WBP2NL: variants seen among roughly 807,000 people sequenced by gnomAD.
WBP2NL encodes postacrosomal sheath WW domain-binding protein.
In WBP2NL, 27 loss-of-function variants were observed where a neutral mutation model predicts 23.3. The observed-to-expected ratio is 1.16, with a 90% CI of 0.85 to 1.60. The LOEUF (loss-of-function observed/expected upper bound fraction) is 1.60. WBP2NL is among the 40% of genes most tolerant of loss of function. The pLI, the probability that WBP2NL is intolerant of heterozygous loss-of-function variation, is 0.00. For missense variants in WBP2NL, 370 were observed against 389.5 expected (o/e 0.95, Z 0.42); for synonymous variants, 151 against 145.9 (o/e 1.03, Z -0.25).
chr22:42,010,527 CCTTTT>C (rs1005549268), intron 1 of WBP2NL, among the ~76,000 whole-genome samples: 2 of 151,960 alleles, frequency 1.3e-5, no homozygotes, highest in Non-Finnish European at 1.5e-5. Context: ...ATATATTGAA[CCTTTT>C]CTTTTCTTTT....
intron 4 of WBP2NL, among the ~76,000 whole-genome samples, chr22:42,021,545 A>T (rs1173929250): frequency 6.6e-6 from 1 of 152,236 alleles, no homozygotes; most frequent in East Asian, 1.9e-4. Flanking sequence ...AAGTGTTCTT[A>T]TAAGAGAGAT....
chr22:42,047,063 A>G (rs1325785225), intron 8 of WBP2NL, among the ~76,000 whole-genome samples: 2 of 152,128 alleles, frequency 1.3e-5, no homozygotes, highest in East Asian at 3.8e-4. Flanking sequence ...AGTGTCATCC[A>G]TTGCTGTCGT....
At chr22:42,015,807 G>A (rs1470690480) in intron 1 of WBP2NL, among the ~76,000 whole-genome samples, 1 of 152,256 alleles carries the variant, frequency 6.6e-6, no homozygotes, top group East Asian at 1.9e-4. Flanking sequence ...ATCTAGCCCT[G>A]GACATGTATG....
intron 1 of WBP2NL, chr22:42,001,880 G>A (rs1007485682): frequency 2.2e-5 from 33 of 1,488,606 alleles, no homozygotes; most frequent in Admixed American, 1.8e-4. Context: ...TGACCCGCTC[G>A]ATGGGTGCTA....
At chr22:42,028,961 C>T (rs1459171128), downstream of WBP2NL, among the ~76,000 whole-genome samples, 1 of 152,192 alleles carries the variant, frequency 6.6e-6, no homozygotes, top group Non-Finnish European at 1.5e-5. Flanking sequence ...CAAAAATGCT[C>T]CCACTTATTT....
rs143280240 is a variant in WBP2NL, at chr22:42,001,896, A to G, written c.62+3016A>G. The G allele has an allele frequency of 1.6e-4, 231 of 1,464,396 alleles. 2 individuals carry two copies. In the African/African-American group the frequency reaches 2.5e-3, roughly 16 times the overall value. The allele number at this position is 1,464,396 out of a possible 1,614,324, so 90.7% of individuals were successfully genotyped here. ...GACCCGCTCGATGGGTGCTACCGCC[A>G]TCTTGGAGATGGCTGCGGCCACTCC... is the stretch of plus-strand genomic sequence containing the variant. On this transcript the variant is annotated intron_variant, in intron 1 of 5. Transcript: ENST00000328823.
At chr22:42,015,243 A>T (rs1159387640) in intron 1 of WBP2NL, among the ~76,000 whole-genome samples, 1 of 152,164 alleles carries the variant, frequency 6.6e-6, no homozygotes, top group Non-Finnish European at 1.5e-5. Flanking sequence ...CTCAGTGGCC[A>T]GCTAGTGATT....
intron 1 of WBP2NL, chr22:42,003,358 C>T (rs1188321741): frequency 1.3e-5 from 2 of 152,594 alleles, no homozygotes; most frequent in African/African-American, 4.8e-5. Context: ...TATCCTAGCT[C>T]TGTCTTACAC....
chr22:42,020,888 A>G (rs528988743), intron 4 of WBP2NL, among the ~76,000 whole-genome samples: 56 of 48,908 alleles, frequency 1.1e-3, no homozygotes, highest in African/African-American at 4.4e-3. Context: ...ATATATATAT[A>G]TATATATATA....
Position 41,998,872 on chromosome 22 carries a change from C to T in WBP2NL, c.54C>T (p.Asn18=). 6.2e-7 allele frequency: 1 copy of T among 1,611,030 alleles called. No individual in the cohort carries two copies. The highest frequency in any genetic ancestry group is 8.5e-7 in the Non-Finnish European group (1 of 1,178,066). Residue 18 remains asparagine, a synonymous_variant, in exon 1 of 6, where the codon AAC becomes AAT. Coordinates refer to ENST00000328823, the MANE Select transcript of WBP2NL (RefSeq NM_152613.3). ...ACCGCCGCGGAGCCCTCATCCCTAA[C>T]GGTGAAAGGTGCCTGAGGGGAAGCA... ...TENRRGALIP[N]GESLLKRSPN... is the part of the protein sequence containing the mutation.
At chr22:42,037,343 T>C (rs1401872308), downstream of WBP2NL, among the ~76,000 whole-genome samples, 2 of 152,204 alleles carry the variant, frequency 1.3e-5, no homozygotes, top group African/African-American at 4.8e-5. Context: ...ATTTTGGTGA[T>C]AGCTTTGTAA....
intron 1 of WBP2NL, 145 bp downstream of exon 1, chr22:41,999,025 C>G: frequency 1.1e-6 from 1 of 927,556 alleles, no homozygotes; most frequent in Non-Finnish European, 1.5e-6. Context: ...CCTTTGGGAG[C>G]GCGCGCCCCT....
intron 8 of WBP2NL, among the ~76,000 whole-genome samples, chr22:42,044,991 ATTTATTT>A (rs1359382032): frequency 6.6e-6 from 1 of 150,844 alleles, no homozygotes; most frequent in Admixed American, 6.6e-5. Context: ...TTTTTTCTTT[ATTTATTT>A]TTTATTTTTT....
At chr22:42,049,175 A>G (rs961557728) in intron 8 of WBP2NL, among the ~76,000 whole-genome samples, 4 of 152,200 alleles carry the variant, frequency 2.6e-5, no homozygotes, top group Non-Finnish European at 5.9e-5. Context: ...GATTAGTGGA[A>G]CAGAAGAGTC....
downstream of WBP2NL, chr22:42,031,595 G>T (rs1924950389): frequency 6.6e-6 from 1 of 152,146 alleles, no homozygotes; most frequent in Non-Finnish European, 1.5e-5. Flanking sequence ...TCCTTTTCAT[G>T]GGTAAGTGGA....
intron 4 of WBP2NL, among the ~76,000 whole-genome samples, chr22:42,020,852 ATG>A (rs59473793): frequency 0.057 from 1,135 of 19,744 alleles, 68 homozygotes; most frequent in East Asian, 0.068. Context: ...TATCTCATAT[ATG>A]TGTGTGTGTG....
chr22:42,039,223 C>A (rs5751206), intron 8 of WBP2NL, among the ~76,000 whole-genome samples: 10,445 of 151,996 alleles, frequency 0.069, 995 homozygotes, highest in East Asian at 0.51. Flanking sequence ...AGGCGCCCAC[C>A]ACCATGCCTG....
chr22:42,020,327 A>G (rs1280472694), intron 4 of WBP2NL, among the ~76,000 whole-genome samples: 1 of 152,136 alleles, frequency 6.6e-6, no homozygotes, highest in African/African-American at 2.4e-5. Context: ...GGTATGAGCC[A>G]CCATGCCCAG....
intron 8 of WBP2NL, among the ~76,000 whole-genome samples, chr22:42,057,826 CATAT>C (rs3045495): frequency 0.017 from 1,699 of 98,090 alleles, 45 homozygotes; most frequent in African/African-American, 0.064. Flanking sequence ...GTATTAAGGT[CATAT>C]ATATATATAT....
Sources: allele counts gnomAD v4.1 joint callset (sites outside exome capture counted in the v4.1 genomes callset), GRCh38; gene constraint gnomAD v4.1.1; transcripts MANE v1.5; gene names NCBI Gene and HGNC (gene_info 2026-07-23, HGNC 2026-07-21).